The following ERAP1 variants were observed in gnomAD, a reference collection of about 807,000 sequenced individuals.
The protein encoded by ERAP1 is adipocyte-derived leucine aminopeptidase.
A neutral mutation model predicts 103.7 loss-of-function variants in ERAP1; 86 were observed. The ratio of observed to expected loss-of-function variants is 0.83; its 90% CI spans 0.70 to 0.99. The LOEUF is 0.99. Ranked by LOEUF, ERAP1 falls within the 50% of genes least tolerant of loss-of-function variation. The pLI, the probability that ERAP1 is intolerant of heterozygous loss-of-function variation, is 0.00. For synonymous variants in ERAP1, 398 were observed against 402.4 expected (o/e 0.99, Z 0.13); for missense variants, 1,009 against 1,128.4 (o/e 0.89, Z 1.52).
At chr5:96,873,002 A>G in the ERAP1 span, among the ~76,000 whole-genome samples, 29 of 152,260 alleles carry the variant, frequency 1.9e-4, no homozygotes, top group Admixed American at 9.8e-4. Context: ...CAGGCTGACC[A>G]ACATGGTGAA....
At chr5:96,832,763 T>C in the ERAP1 span, among the ~76,000 whole-genome samples, 2 of 152,266 alleles carry the variant, frequency 1.3e-5, no homozygotes, top group Admixed American at 1.3e-4. Context: ...GCTACAAATA[T>C]CTTCGATTTT....
Position 96,774,696 on chromosome 5 carries a change from A to C in ERAP1, c.*1700T>G. The C allele has an allele frequency of 1.0e-6, 1 of 982,762 alleles. No homozygotes were observed. Among genetic ancestry groups the C allele is most frequent in the Non-Finnish European group, 1.2e-6 (1 of 827,388 alleles). 60.9% of individuals were successfully genotyped at this position (982,762 alleles called of 1,614,324 possible). ...TTTTACATTAAAATCTTGGTTGTGT[A>C]TTTTTTTAAAAGAAGGGAAATAGTT... On this transcript the variant is annotated 3_prime_UTR_variant, in exon 19 of 19. Coordinates refer to ENST00000443439, the MANE Select transcript of ERAP1 (RefSeq NM_001040458.3).
the ERAP1 span, among the ~76,000 whole-genome samples, chr5:96,885,179 C>CCATAGTCT: frequency 6.6e-6 from 1 of 152,168 alleles, no homozygotes; most frequent in Non-Finnish European, 1.5e-5. Context: ...ACGTATTTCC[C>CCATAGTCT]CATAGTCTCA....
chr5:96,878,672 G>A, the ERAP1 span, among the ~76,000 whole-genome samples: 1 of 152,030 alleles, frequency 6.6e-6, no homozygotes, highest in Non-Finnish European at 1.5e-5. Flanking sequence ...CCACGCCTGT[G>A]ATCTCAGCAC....
downstream of ERAP1, chr5:96,773,963 C>A (rs949681247): frequency 6.6e-6 from 1 of 152,204 alleles, no homozygotes; most frequent in South Asian, 2.1e-4. Context: ...TAACCTCCCC[C>A]CCAAATACTC....
chr5:96,876,183 C>G, the ERAP1 span: 1 of 152,364 alleles, frequency 6.6e-6, no homozygotes, highest in Non-Finnish European at 1.5e-5. Flanking sequence ...AAGATCAATT[C>G]CTAAGACAAC....
the ERAP1 span, chr5:96,823,154 A>T: frequency 2.2e-6 from 1 of 456,178 alleles, no homozygotes; most frequent in Admixed American, 2.3e-5. Flanking sequence ...CAGAGACTCC[A>T]TTAGGGTGAG....
chr5:96,767,052 G>A (rs1241993436), intron 19 of ERAP1, among the ~76,000 whole-genome samples: 1 of 152,172 alleles, frequency 6.6e-6, no homozygotes, highest in Non-Finnish European at 1.5e-5. Context: ...CCTTGCCTTT[G>A]AAGCTGGGAA....
intron 8 of ERAP1, among the ~76,000 whole-genome samples, chr5:96,791,206 G>T (rs926672434): frequency 2.6e-5 from 4 of 152,148 alleles, no homozygotes; most frequent in African/African-American, 9.7e-5. Context: ...TTGGTAAAGG[G>T]CTCTTTTCCC....
At chr5:96,915,279 G>T in the ERAP1 span, among the ~76,000 whole-genome samples, 1 of 152,084 alleles carries the variant, frequency 6.6e-6, no homozygotes, top group African/African-American at 2.4e-5. Flanking sequence ...AAAGTTCTGG[G>T]ATTACAGGTG....
chr5:96,823,528 G>A, the ERAP1 span, among the ~76,000 whole-genome samples: 8 of 152,114 alleles, frequency 5.3e-5, no homozygotes, highest in Non-Finnish European at 7.4e-5. Context: ...CTTAAAATGG[G>A]CAAAAATCTT....
the ERAP1 span, chr5:96,895,383 A>G: frequency 7.1e-7 from 1 of 1,407,502 alleles, no homozygotes; most frequent in African/African-American, 1.4e-5. Flanking sequence ...TCTGTGTATC[A>G]TACTATATGG....
chr5:96,859,257 T>C, the ERAP1 span, among the ~76,000 whole-genome samples: 2 of 152,110 alleles, frequency 1.3e-5, no homozygotes, highest in African/African-American at 4.8e-5. Context: ...CTTGGGGCTG[T>C]CAATGGAAAG....
chr5:96,789,289 C>T (rs1369600878), intron 10 of ERAP1, among the ~76,000 whole-genome samples: 1 of 152,178 alleles, frequency 6.6e-6, no homozygotes, highest in Non-Finnish European at 1.5e-5. Flanking sequence ...GAGTTCAAGA[C>T]CAGCCTGGCG....
the ERAP1 span, among the ~76,000 whole-genome samples, chr5:96,908,520 G>A: frequency 6.6e-6 from 1 of 152,196 alleles, no homozygotes; most frequent in Non-Finnish European, 1.5e-5. Context: ...TGTCCTCAAA[G>A]TTCCCAATGT....
At chr5:96,891,008 T>G in the ERAP1 span, among the ~76,000 whole-genome samples, 2 of 152,188 alleles carry the variant, frequency 1.3e-5, no homozygotes, top group Non-Finnish European at 2.9e-5. Context: ...GTCCCACTAC[T>G]ATAAAATCAT....
At position 96,793,401 on chromosome 5, in the gene ERAP1, A is replaced by C; in HGVS notation, c.1187T>G (p.Val396Gly). 6.2e-7 allele frequency: 1 copy of C among 1,609,462 alleles called. No homozygotes were observed. The highest frequency in any genetic ancestry group is 8.5e-7 in the Non-Finnish European group (1 of 1,175,884). ...SVSVTHPELK[V>G]GDYFFGKCFD... is the part of the protein sequence containing the mutation. ...TGTGAAGGATAAATAACTACTTACA[A>C]CTTTCAGTTCAGGATGGGTCACACT... Residue 396 changes from valine (V) to glycine (G), a missense_variant and splice_region_variant, in exon 7 of 19, where the codon GTT becomes GGT. Around this residue, in one of 3 missense-constraint regions of ERAP1, gnomAD observed 6 missense variants for 21.5 expected, o/e 0.28. Coordinates refer to ENST00000443439, the MANE Select transcript of ERAP1 (RefSeq NM_001040458.3).
the ERAP1 span, among the ~76,000 whole-genome samples, chr5:96,854,325 C>A: frequency 1.3e-5 from 2 of 152,236 alleles, no homozygotes; most frequent in South Asian, 4.2e-4. Context: ...TCAATAGATA[C>A]CTCAAGTATG....
At chr5:96,911,882 G>C in the ERAP1 span, among the ~76,000 whole-genome samples, 1 of 109,654 alleles carries the variant, frequency 9.1e-6, no homozygotes, top group Non-Finnish European at 1.8e-5. Flanking sequence ...AAAAAAAAAA[G>C]AAAGAAAGAA....
Sources: gnomAD v4.1 joint callset for allele counts (sites outside exome capture counted in the v4.1 genomes callset) on GRCh38, gnomAD v4.1.1 for gene constraint, gnomAD v4.1.1 regional missense constraint, MANE v1.5 for transcripts, NCBI Gene and HGNC (gene_info 2026-07-23, HGNC 2026-07-21) for gene names.